Variants in ADAMTS9 observed in about 807,000 individuals in gnomAD.
ADAMTS9 encodes the protein A disintegrin and metalloproteinase with thrombospondin motifs 9.
Under a neutral mutation model 257.1 loss-of-function variants are expected in ADAMTS9, and 107 were observed. That is an observed-to-expected ratio of 0.42 (90% CI 0.36 to 0.49). The LOEUF (loss-of-function observed/expected upper bound fraction) is 0.49, where lower values mean the gene tolerates loss of function less well. Among genes scored for constraint, ADAMTS9 ranks in the 20% least tolerant of loss-of-function variants. The pLI is 0.03. For missense variants in ADAMTS9, 2,353 were observed against 2,469.1 expected, an observed-to-expected ratio of 0.95 and a Z score of 1.00; for synonymous variants, 982 against 880.9, an observed-to-expected ratio of 1.11 and a Z score of -2.03.
Position 64,541,361 on chromosome 3 carries a change from C to T in ADAMTS9, c.5346G>A (p.Val1782=). ...CGGAGAAATTCTCAGAGTCTCCATG[C>T]ACCAGTGTCACGTACTCTTTGGGGT... ...SDHPKEYVTL[V]HGDSENFSEV... The change falls in exon 35 of 40, where the codon GTG becomes GTA. Residue 1782 remains valine (V), a synonymous_variant. Coordinates refer to ENST00000498707, the MANE Select transcript of ADAMTS9 (RefSeq NM_182920.2). 6.2e-7 allele frequency: 1 copy of T among 1,614,210 alleles called. No homozygotes were observed. Among genetic ancestry groups the T allele is most frequent in the Non-Finnish European group, 8.5e-7 (1 of 1,180,038 alleles).
intron 23 of ADAMTS9, among the ~76,000 whole-genome samples, chr3:64,606,721 A>G (rs565540481): frequency 3.9e-5 from 6 of 152,316 alleles, no homozygotes; most frequent in African/African-American, 1.4e-4. Context: ...CCCAACATTC[A>G]TCATCCAATA....
In ADAMTS9 at chr3:64,603,951, C is replaced by T. The variant is rs2084510812; in HGVS notation, c.3718G>A (p.Gly1240Arg). 6.2e-7 allele frequency: 1 copy of T among 1,613,968 alleles called. No individual in the cohort carries two copies. Among genetic ancestry groups the T allele is most frequent in the East Asian group, 2.2e-5 (1 of 44,846 alleles). ...AKEECSVTPC[G>R]QWKALDWSSC... is the part of the protein sequence containing the mutation. ...CTCCAGTCCAAGGCCTTCCATTGCC[C>T]ACAGGGTGTCACAGAACATTCTTCC... The change falls in exon 25 of 40, where the codon GGG (glycine) becomes AGG (arginine). Residue 1240 changes from glycine (G) to arginine (R), a missense_variant. This residue lies in a region of ADAMTS9 where 1,402 missense variants were observed against 1,441.4 expected (regional missense o/e 0.97). Coordinates refer to ENST00000498707, the MANE Select transcript of ADAMTS9 (RefSeq NM_182920.2).
At chr3:64,589,238 A>G (rs891780439) in intron 28 of ADAMTS9, 1 of 152,234 alleles carries the variant, frequency 6.6e-6, no homozygotes, top group African/African-American at 2.4e-5. Context: ...GAATTTACCA[A>G]TAACAGGAAT....
intron 22 of ADAMTS9, among the ~76,000 whole-genome samples, chr3:64,608,258 C>CAAAAAAAAAAAAAAAAACA (rs2084596606): frequency 1.9e-5 from 1 of 53,318 alleles, no homozygotes; most frequent in Non-Finnish European, 3.9e-5. Context: ...AAACTAAAAC[C>CAAAAAAAAAAAAAAAAACA]AAAAAAAAAA....
Position 64,550,995 on chromosome 3 carries a change from T to C in ADAMTS9, c.4766A>G (p.Glu1589Gly). ...CACGTCACAGCGTGCCCCATGCACC[T>C]CGTTTTTGTTGTCATCCACACACAC... is the stretch of plus-strand genomic sequence containing the variant. ...KVVCVDDNKN[E>G]VHGARCDVSK... Residue 1589 changes from glutamate to glycine, a missense_variant, in exon 31 of 40, where the codon GAG becomes GGG. Coordinates refer to ENST00000498707, the MANE Select transcript of ADAMTS9 (RefSeq NM_182920.2). 6.2e-7 allele frequency: 1 copy of C among 1,614,058 alleles called. No individual in the cohort carries two copies. The highest frequency in any genetic ancestry group is 8.5e-7 in the Non-Finnish European group (1 of 1,179,958).
At chr3:64,597,097 A>G in intron 26 of ADAMTS9, 106 bp from the exon 27 acceptor site, 1 of 1,452,404 alleles carries the variant, frequency 6.9e-7, no homozygotes, top group Non-Finnish European at 9.3e-7. Flanking sequence ...AGCATTCTCA[A>G]GTCATCCACG....
intron 32 of ADAMTS9, among the ~76,000 whole-genome samples, chr3:64,543,842 A>G (rs555687107): frequency 1.8e-4 from 28 of 152,360 alleles, no homozygotes; most frequent in African/African-American, 6.0e-4. Flanking sequence ...CTCTTTGCAG[A>G]TGACATGATT....
At chr3:64,581,461 C>G (rs2083998499) in intron 28 of ADAMTS9, among the ~76,000 whole-genome samples, 1 of 152,030 alleles carries the variant, frequency 6.6e-6, no homozygotes, top group Non-Finnish European at 1.5e-5. Context: ...TGGGATTTCA[C>G]CACGTTGCCA....
intron 20 of ADAMTS9, 29 bp from the exon 21 acceptor site, chr3:64,615,514 T>C (rs759994653): frequency 1.9e-6 from 3 of 1,578,912 alleles, no homozygotes; most frequent in Admixed American, 3.7e-5. Flanking sequence ...TAAATAAAAC[T>C]GTTGCTAAGT....
rs2083205683 is a variant in ADAMTS9 at position 64,546,796 on chromosome 3, G to T, written c.5026C>A (p.Pro1676Thr). Reference sequence around the variant, plus strand: ...CCAACTCTCCAGGTGGCCGAGACAGGGCAGTCCCTCAGGTAACAGGGGTGA... The same window carrying T: ...CCAACTCTCCAGGTGGCCGAGACAGTGCAGTCCCTCAGGTAACAGGGGTGA... ...SVHPCYLRDC[P>T]VSATWRVGNW... Residue 1676 changes from proline to threonine, a missense_variant, in exon 32 of 40, where the codon CCT becomes ACT. Coordinates refer to ENST00000498707, the MANE Select transcript of ADAMTS9 (RefSeq NM_182920.2). 1 of 1,612,524 alleles carries T rather than the reference G, an allele frequency of 6.2e-7. No homozygotes were observed. The highest frequency in any genetic ancestry group is 1.1e-5 in the South Asian group (1 of 90,760).
rs565695612 is a variant in ADAMTS9 at position 64,542,946 on chromosome 3, C to T, written c.5065-976G>A. Among the ~76,000 whole-genome samples the T allele has an allele frequency of 5.6e-3, 851 of 152,164 alleles. 4 individuals are homozygous for T. Among genetic ancestry groups the T allele is most frequent in the Middle Eastern group, 0.037 (11 of 294 alleles). On this transcript the variant is annotated intron_variant, in intron 32 of 39. Coordinates refer to ENST00000498707, the MANE Select transcript of ADAMTS9 (RefSeq NM_182920.2). The stretch of plus-strand genomic sequence containing the variant: ...TGATAAAGGGAATATCACCACCAAT[C>T]CCACAGAAATACAAACTACCATCAG...
intron 19 of ADAMTS9, 37 bp from the exon 20 acceptor site, chr3:64,616,207 T>C (rs767570638): frequency 6.2e-7 from 1 of 1,605,136 alleles, no homozygotes; most frequent in South Asian, 1.1e-5. Flanking sequence ...AACATTTCTG[T>C]TAAAAATATA....
chr3:64,535,537 C>A (rs983418769), intron 37 of ADAMTS9, among the ~76,000 whole-genome samples: 2 of 128,656 alleles, frequency 1.6e-5, no homozygotes. Context: ...TGGCCATTTT[C>A]TTTTCTTTTC....
Position 64,602,000 on chromosome 3 carries a change from G to A in ADAMTS9, c.3961C>T (p.Pro1321Ser). Residue 1321 changes from proline to serine, a missense_variant, in exon 26 of 40, where the codon CCC (proline) becomes TCC (serine). Coordinates refer to ENST00000498707, the MANE Select transcript of ADAMTS9 (RefSeq NM_182920.2). ...NEDYRPRSAS[P>S]SRTHVLGGNQ... ...CCACCGAGCACATGGGTGCGGCTGG[G>A]GCTGGCGCTCCGGGGACGATAGTCC... 6.2e-7 allele frequency: 1 copy of A among 1,614,006 alleles called. No individual in the cohort carries two copies. Among genetic ancestry groups the A allele is most frequent in the Non-Finnish European group, 8.5e-7 (1 of 1,179,950 alleles).
intron 6 of ADAMTS9, 87 bp downstream of exon 6, chr3:64,655,489 C>G: frequency 8.9e-7 from 1 of 1,127,120 alleles, no homozygotes; most frequent in Non-Finnish European, 1.3e-6. Flanking sequence ...AAACCCTCCA[C>G]TAGCAGCTGA....
At chr3:64,544,988 C>A in intron 32 of ADAMTS9, among the ~76,000 whole-genome samples, 1 of 101,184 alleles carries the variant, frequency 9.9e-6, no homozygotes, top group Admixed American at 1.1e-4. Context: ...GACATTTATG[C>A]AGCCAAAAGA....
At position 64,551,063 on chromosome 3, in the gene ADAMTS9, C is replaced by T. The variant is rs760711807; in HGVS notation, c.4699-1G>A. The T allele has an allele frequency of 6.2e-7, 1 of 1,613,954 alleles. No homozygotes were observed. Among genetic ancestry groups the T allele is most frequent in the South Asian group, 1.1e-5 (1 of 91,054 alleles). On this transcript the variant is annotated splice_acceptor_variant, in intron 30 of 39. Transcript: ENST00000498707. LOFTEE classifies it high-confidence loss of function. The stretch of plus-strand genomic sequence containing the variant: ...AGCCTTCGCCGCAGGTCTTGGTGCA[C>T]TGTTAAATACAAGCAAAAGAGAAGA...
At chr3:64,631,233 T>A (rs1700360689) in intron 16 of ADAMTS9, among the ~76,000 whole-genome samples, 1 of 152,202 alleles carries the variant, frequency 6.6e-6, no homozygotes, top group Non-Finnish European at 1.5e-5. Context: ...CCAGAGTAAA[T>A]CCCTTGATAT....
chr3:64,669,683 TATGG>T (rs749376815), intron 3 of ADAMTS9, among the ~76,000 whole-genome samples: 57 of 152,102 alleles, frequency 3.7e-4, no homozygotes, highest in Middle Eastern at 6.8e-3. Context: ...TCAGAAAGTG[TATGG>T]ATGAAACAGT....
Sources: allele counts gnomAD v4.1 joint callset (sites outside exome capture counted in the v4.1 genomes callset), GRCh38; gene constraint gnomAD v4.1.1; regional missense constraint gnomAD v4.1.1; transcripts MANE v1.5; gene names NCBI Gene and HGNC (gene_info 2026-07-23, HGNC 2026-07-21).